Variants in ANK2 observed in about 807,000 individuals in gnomAD.
ANK2 encodes ankyrin 2.
In ANK2, 83 loss-of-function variants were observed where a neutral mutation model predicts 360.5. The ratio of observed to expected loss-of-function variants is 0.23; its 90% CI spans 0.19 to 0.28. The LOEUF is 0.28. ANK2 is among the 10% of genes least tolerant of loss of function. The pLI is 1.00. For synonymous variants in ANK2, 1,740 were observed against 1,759.5 expected, an observed-to-expected ratio of 0.99 and a Z score of 0.28; for missense variants, 4,201 against 4,795.7, an observed-to-expected ratio of 0.88 and a Z score of 3.66.
chr4:112,815,369 G>T (rs986407745), upstream of ANK2, among the ~76,000 whole-genome samples: 25 of 152,154 alleles, frequency 1.6e-4, no homozygotes, highest in African/African-American at 5.3e-4. Context: ...AAGTGTAAAA[G>T]AATTAACTCT....
chr4:113,127,133 G>A lies in ANK2; in HGVS notation c.85-47283G>A, dbSNP rs191271286. Among the ~76,000 whole-genome samples the A allele has an allele frequency of 6.9e-4, 105 of 152,072 alleles. 2 individuals are homozygous for A. The South Asian group carries it at 0.016, about 23-fold the overall frequency. The stretch of plus-strand genomic sequence containing the variant: ...TCAAACAGAAGCTCTTTTAAATTAT[G>A]CTTGTTTTATTTATCTTCTTTCATG... On this transcript the variant is annotated intron_variant, in intron 1 of 45. Transcript: ENST00000357077.
intron 2 of ANK2, among the ~76,000 whole-genome samples, chr4:112,999,805 AGAAAGTTAATTTGAG>A (rs2049970268): frequency 6.6e-6 from 1 of 152,222 alleles, no homozygotes; most frequent in South Asian, 2.1e-4. Context: ...AAGCATCATT[AGAAAGTTAATTTGAG>A]GAGGTGATAT....
intron 2 of ANK2, among the ~76,000 whole-genome samples, chr4:112,966,712 G>A (rs2037419015): frequency 6.6e-6 from 1 of 152,014 alleles, no homozygotes. Context: ...GTAAGATCAT[G>A]GATATAGAAA....
chr4:112,781,449 A>G, the ANK2 span, among the ~76,000 whole-genome samples: 2 of 152,292 alleles, frequency 1.3e-5, no homozygotes, highest in African/African-American at 2.4e-5. Flanking sequence ...TCCACTGTCA[A>G]TGGTAACTAA....
chr4:112,771,106 T>G, the ANK2 span, among the ~76,000 whole-genome samples: 1 of 152,266 alleles, frequency 6.6e-6, no homozygotes, highest in African/African-American at 2.4e-5. Flanking sequence ...GCATACACGT[T>G]TATTTATTTA....
chr4:113,293,801 T>G (rs559498121), intron 22 of ANK2, among the ~76,000 whole-genome samples: 72 of 152,246 alleles, frequency 4.7e-4, no homozygotes, highest in Non-Finnish European at 8.1e-4. Flanking sequence ...TTCCTTTTTC[T>G]GTGACTGGCT....
At chr4:113,051,418 G>T (rs939473526) in intron 1 of ANK2, among the ~76,000 whole-genome samples, 3 of 152,084 alleles carry the variant, frequency 2.0e-5, no homozygotes, top group Non-Finnish European at 4.4e-5. Flanking sequence ...CTTTGAGGAG[G>T]TAGAGACAAC....
Position 113,341,893 on chromosome 4 carries a change from G to T in ANK2, c.4099G>T (p.Val1367Leu). 1 of 1,613,314 alleles carries T rather than the reference G, an allele frequency of 6.2e-7. No individual in the cohort carries two copies. The highest frequency in any genetic ancestry group is 2.2e-5 in the East Asian group (1 of 44,878). ...TLEQQENFAE[V>L]ARSRDVEVLE... ...TGAACAACAAGAAAATTTTGCTGAG[G>T]TGGCCAGAAGCAGGGATGTGGAGGT... Residue 1367 changes from valine to leucine, a missense_variant, in exon 33 of 46, where the codon GTG becomes TTG. Coordinates refer to ENST00000357077, the MANE Select transcript of ANK2 (RefSeq NM_001148.6).
intron 32 of ANK2, among the ~76,000 whole-genome samples, chr4:113,340,504 G>A (rs951372122): frequency 6.6e-6 from 1 of 152,010 alleles, no homozygotes; most frequent in Non-Finnish European, 1.5e-5. Context: ...ACTAGCTTGG[G>A]CAACATGGTG....
the ANK2 span, among the ~76,000 whole-genome samples, chr4:112,747,380 G>A: frequency 4.6e-5 from 7 of 152,312 alleles, no homozygotes; most frequent in East Asian, 1.3e-3. Flanking sequence ...GCCTTGTCAC[G>A]GGACTTTAAA....
intron 23 of ANK2, among the ~76,000 whole-genome samples, chr4:113,305,874 C>A (rs1456024546): frequency 6.6e-6 from 1 of 152,090 alleles, no homozygotes; most frequent in Non-Finnish European, 1.5e-5. Flanking sequence ...AAGAATGGCA[C>A]TATGTTTAAT....
chr4:113,196,548 G>A (rs988488187), intron 3 of ANK2, 82 bp downstream of exon 3: 4 of 1,262,784 alleles, frequency 3.2e-6, no homozygotes, highest in Non-Finnish European at 2.2e-6. Flanking sequence ...TTATTTTTTA[G>A]ACAAGGTCTC....
chr4:112,738,358 G>C, the ANK2 span, among the ~76,000 whole-genome samples: 1 of 148,698 alleles, frequency 6.7e-6, no homozygotes, highest in African/African-American at 2.5e-5. Context: ...GTTGCAGTGA[G>C]CCAAGATTGT....
chr4:112,776,002 G>T, the ANK2 span, among the ~76,000 whole-genome samples: 1 of 152,170 alleles, frequency 6.6e-6, no homozygotes, highest in African/African-American at 2.4e-5. Flanking sequence ...TTCCCGGGTG[G>T]TGCTGATGCC....
At chr4:113,090,325 A>G (rs1234062468) in intron 1 of ANK2, among the ~76,000 whole-genome samples, 1 of 152,208 alleles carries the variant, frequency 6.6e-6, no homozygotes, top group Non-Finnish European at 1.5e-5. Context: ...ATCTCAAAAT[A>G]TTATTACAGT....
chr4:113,002,767 C>T (rs562052084), intron 2 of ANK2, among the ~76,000 whole-genome samples: 1 of 152,352 alleles, frequency 6.6e-6, no homozygotes, highest in East Asian at 1.9e-4. Flanking sequence ...CTTGACAGGA[C>T]ATAAAGCTCT....
At chr4:113,268,746 G>A (rs58239914) in intron 14 of ANK2, among the ~76,000 whole-genome samples, 56,681 of 151,932 alleles carry the variant, frequency 0.37, 11,421 homozygotes, top group Non-Finnish European at 0.46. Flanking sequence ...TTGGTATCAG[G>A]ATGATTCTGG....
At chr4:112,861,728 T>A (rs1307882138) in intron 1 of ANK2, among the ~76,000 whole-genome samples, 2 of 152,176 alleles carry the variant, frequency 1.3e-5, no homozygotes, top group African/African-American at 4.8e-5. Flanking sequence ...GTGTAATGTT[T>A]TAAAATGTGG....
At chr4:112,757,309 G>A in the ANK2 span, among the ~76,000 whole-genome samples, 1 of 151,764 alleles carries the variant, frequency 6.6e-6, no homozygotes, top group Non-Finnish European at 1.5e-5. Context: ...TAGTAGAGAC[G>A]GGGTTTCACC....
Sources: allele counts gnomAD v4.1 joint callset (sites outside exome capture counted in the v4.1 genomes callset), GRCh38; gene constraint gnomAD v4.1.1; transcripts MANE v1.5; gene names NCBI Gene and HGNC (gene_info 2026-07-23, HGNC 2026-07-21).